CNTN4: variants seen among roughly 807,000 people sequenced by gnomAD.
The protein encoded by CNTN4 is contactin 4, also known as contactin-4.
CNTN4 carries 77 observed loss-of-function variants against 122.5 expected under a neutral mutation model. That is an observed-to-expected ratio of 0.63 (90% CI 0.52 to 0.76). The LOEUF (loss-of-function observed/expected upper bound fraction) is 0.76. Among genes scored for constraint, CNTN4 ranks in the 30% least tolerant of loss-of-function variants. The pLI, the probability that CNTN4 is intolerant of heterozygous loss-of-function variation, is 0.00. For synonymous variants in CNTN4, 512 were observed against 447.0 expected, an observed-to-expected ratio of 1.15 and a Z score of -1.83; for missense variants, 1,256 against 1,259.1, an observed-to-expected ratio of 1.00 and a Z score of 0.04.
intron 23 of CNTN4, among the ~76,000 whole-genome samples, chr3:3,048,699 T>A (rs1700936812): frequency 6.6e-6 from 1 of 152,178 alleles, no homozygotes; most frequent in African/African-American, 2.4e-5. Flanking sequence ...GCTAGAGAAT[T>A]TGACCCATTA....
At chr3:2,481,644 G>C (rs2076009784) in intron 3 of CNTN4, among the ~76,000 whole-genome samples, 1 of 152,138 alleles carries the variant, frequency 6.6e-6, no homozygotes, top group South Asian at 2.1e-4. Flanking sequence ...TGGTTTGGCT[G>C]TATCCCTACC....
intron 4 of CNTN4, among the ~76,000 whole-genome samples, chr3:2,718,971 C>T (rs1056595357): frequency 7.9e-5 from 12 of 152,008 alleles, no homozygotes; most frequent in Non-Finnish European, 1.3e-4. Flanking sequence ...CATATTAACT[C>T]CCCCCATCTA....
intron 8 of CNTN4, among the ~76,000 whole-genome samples, chr3:2,872,319 G>GAGAT (rs2093795482): frequency 6.6e-6 from 1 of 152,208 alleles, no homozygotes; most frequent in South Asian, 2.1e-4. Context: ...TTGAGAAGAT[G>GAGAT]AGATAATGTC....
intron 2 of CNTN4, among the ~76,000 whole-genome samples, chr3:2,296,935 A>AT (rs1478085779): frequency 6.6e-6 from 1 of 152,086 alleles, no homozygotes; most frequent in East Asian, 1.9e-4. Context: ...TGTTATTTCT[A>AT]TTTTCTTCTG....
chr3:3,048,377 G>A (rs1438499584), intron 23 of CNTN4, among the ~76,000 whole-genome samples: 1 of 152,154 alleles, frequency 6.6e-6, no homozygotes, highest in Non-Finnish European at 1.5e-5. Flanking sequence ...GATATGCTTA[G>A]GTTATACACA....
At chr3:2,198,019 CT>C (rs2037925720) in intron 2 of CNTN4, among the ~76,000 whole-genome samples, 1 of 131,404 alleles carries the variant, frequency 7.6e-6, no homozygotes, top group Non-Finnish European at 1.6e-5. Flanking sequence ...GCAACAGACA[CT>C]CTCTCTGGAA....
At chr3:2,824,816 C>T (rs1355627439) in intron 7 of CNTN4, among the ~76,000 whole-genome samples, 2 of 151,942 alleles carry the variant, frequency 1.3e-5, no homozygotes, top group African/African-American at 4.8e-5. Context: ...GAGTGCACCA[C>T]CACACCTGGC....
intron 2 of CNTN4, among the ~76,000 whole-genome samples, chr3:2,240,849 G>GT (rs2039906365): frequency 6.6e-6 from 1 of 151,984 alleles, no homozygotes; most frequent in Non-Finnish European, 1.5e-5. Context: ...TTCACAGGGA[G>GT]TTTTTTCCTG....
chr3:2,272,115 A>G (rs143905044), intron 2 of CNTN4, among the ~76,000 whole-genome samples: 88 of 151,888 alleles, frequency 5.8e-4, no homozygotes, highest in African/African-American at 2.1e-3. Context: ...GATAAATTCT[A>G]ATGAGTACTT....
chr3:2,603,326 A>G (rs542550579), intron 4 of CNTN4, among the ~76,000 whole-genome samples: 14 of 152,310 alleles, frequency 9.2e-5, no homozygotes, highest in African/African-American at 3.4e-4. Flanking sequence ...TTTGATTCAG[A>G]AGGTACTTTA....
intron 6 of CNTN4, among the ~76,000 whole-genome samples, chr3:2,792,071 A>G (rs2092029833): frequency 6.6e-6 from 1 of 152,058 alleles, no homozygotes; most frequent in Admixed American, 6.5e-5. Context: ...GTACCCCTGA[A>G]CTTAAAATAA....
At chr3:2,877,773 G>T (rs1290137234) in intron 8 of CNTN4, among the ~76,000 whole-genome samples, 1 of 152,112 alleles carries the variant, frequency 6.6e-6, no homozygotes, top group Admixed American at 6.6e-5. Context: ...AATTGCAAAA[G>T]CGTACAGGTG....
chr3:2,925,812 A>G (rs1193357532), intron 13 of CNTN4, 33 bp downstream of exon 13: 14 of 1,575,506 alleles, frequency 8.9e-6, no homozygotes, highest in Non-Finnish European at 1.2e-5. Flanking sequence ...ATATTTGGTT[A>G]ACCTGTAAAA....
chr3:2,270,533 A>T (rs1465582279), intron 2 of CNTN4, among the ~76,000 whole-genome samples: 1 of 152,114 alleles, frequency 6.6e-6, no homozygotes, highest in Non-Finnish European at 1.5e-5. Context: ...AGTACTTGTT[A>T]TGACCTGTGG....
chr3:2,566,977 G>A (rs2079191514), intron 3 of CNTN4, among the ~76,000 whole-genome samples: 3 of 152,048 alleles, frequency 2.0e-5, no homozygotes, highest in Admixed American at 1.3e-4. Flanking sequence ...TCAGGGGATT[G>A]CATTTTAAGC....
intron 3 of CNTN4, among the ~76,000 whole-genome samples, chr3:2,552,294 T>C (rs1326621249): frequency 6.6e-6 from 1 of 152,162 alleles, no homozygotes; most frequent in Non-Finnish European, 1.5e-5. Context: ...TGCTGTAGAT[T>C]AGGGAAAATT....
Position 2,172,836 on chromosome 3 carries a change from G to A in CNTN4, c.-145+72197G>A, listed in dbSNP as rs184896124. Among the ~76,000 whole-genome samples, 10 of 152,280 alleles carry A rather than the reference G, an allele frequency of 6.6e-5. No individual in the cohort carries two copies. In the East Asian group the frequency reaches 1.9e-3, roughly 30 times the overall value. Reference sequence around the variant, plus strand: ...AACCTGGATTGGAGTAGAGGAAATGGAATTGGAAAAGAGACAAATGAGAAA... The same window carrying A: ...AACCTGGATTGGAGTAGAGGAAATGAAATTGGAAAAGAGACAAATGAGAAA... On this transcript the variant is annotated intron_variant, in intron 2 of 24. Coordinates refer to ENST00000418658, the MANE Select transcript of CNTN4 (RefSeq NM_175607.3).
chr3:2,637,227 C>A (rs1206530141), intron 4 of CNTN4, among the ~76,000 whole-genome samples: 2 of 152,068 alleles, frequency 1.3e-5, no homozygotes, highest in African/African-American at 4.8e-5. Context: ...CAGTCCTGAG[C>A]CACCGTACCT....
chr3:3,003,705 A>AAC (rs1696291044), intron 14 of CNTN4, among the ~76,000 whole-genome samples: 1 of 137,174 alleles, frequency 7.3e-6, no homozygotes, highest in African/African-American at 2.8e-5. Flanking sequence ...AAAAAAAAAA[A>AAC]AAAAAAAAAC....
Sources: gnomAD v4.1 joint callset for allele counts (sites outside exome capture counted in the v4.1 genomes callset) on GRCh38, gnomAD v4.1.1 for gene constraint, MANE v1.5 for transcripts, NCBI Gene and HGNC (gene_info 2026-07-23, HGNC 2026-07-21) for gene names.